APBB2: variants seen among roughly 807,000 people sequenced by gnomAD.
APBB2 encodes the protein Fe65-like 1.
APBB2 carries 38 observed loss-of-function variants against 82.5 expected under a neutral mutation model. That is an observed-to-expected ratio of 0.46 (90% CI 0.36 to 0.60). The LOEUF is 0.60. APBB2 is among the 20% of genes least tolerant of loss of function. The probability of loss-of-function intolerance (pLI) is 0.00; values close to 1 mark genes in which losing one functional copy is unlikely to be tolerated. For synonymous variants in APBB2, 341 were observed against 368.2 expected, an observed-to-expected ratio of 0.93 and a Z score of 0.85; for missense variants, 772 against 972.3, an observed-to-expected ratio of 0.79 and a Z score of 2.74.
intron 6 of APBB2, among the ~76,000 whole-genome samples, chr4:40,991,707 C>A (rs1243753040): frequency 6.6e-6 from 1 of 152,120 alleles, no homozygotes; most frequent in Admixed American, 6.5e-5. Flanking sequence ...AAAACAGACA[C>A]ACTTGTTAAT....
At chr4:41,081,890 G>A (rs754118039) in intron 3 of APBB2, among the ~76,000 whole-genome samples, 20 of 152,108 alleles carry the variant, frequency 1.3e-4, no homozygotes, top group African/African-American at 4.6e-4. Context: ...ATTGTCATTC[G>A]TTTAAAAAAC....
intron 10 of APBB2, among the ~76,000 whole-genome samples, chr4:40,919,988 CAA>C (rs1355679418): frequency 6.6e-6 from 1 of 152,146 alleles, no homozygotes. Context: ...GCACTGGGGA[CAA>C]AGATTCTCTG....
At chr4:41,195,692 T>C in intron 1 of APBB2, among the ~76,000 whole-genome samples, 2 of 152,144 alleles carry the variant, frequency 1.3e-5, no homozygotes, top group African/African-American at 2.4e-5. Flanking sequence ...CCCTACAGGT[T>C]GTTTTCCCAC....
intron 1 of APBB2, among the ~76,000 whole-genome samples, chr4:41,185,806 G>A (rs1291864240): frequency 1.3e-5 from 2 of 152,182 alleles, no homozygotes; most frequent in African/African-American, 2.4e-5. Flanking sequence ...AATGTGTTAA[G>A]CCTGACTATA....
intron 4 of APBB2, among the ~76,000 whole-genome samples, chr4:41,046,804 C>A (rs889897497): frequency 6.6e-6 from 1 of 152,184 alleles, no homozygotes; most frequent in African/African-American, 2.4e-5. Context: ...CAGCATGCAA[C>A]ACCCTGGCAG....
Position 40,870,734 on chromosome 4 carries a change from CTTTT to C in APBB2, c.1529+19626_1529+19629del, listed in dbSNP as rs34591003. Among the ~76,000 whole-genome samples the C allele has an allele frequency of 5.4e-5, 7 of 130,614 alleles. 1 individual carries two copies. Among genetic ancestry groups the C allele is most frequent in the Non-Finnish European group, 8.2e-5 (5 of 61,044 alleles). The allele number at this position is 130,614 out of a possible 152,430, so 85.7% of individuals were successfully genotyped here. A position where few individuals can be genotyped will look rare whatever the true frequency, so the allele number is the denominator to read the frequency against. ...ATGTGTGTGTGTGTGTATACACACTCTTTTTTTTTTTTTTTTTGGAGACCAAGTC... is the reference window on the plus strand; with the variant it reads ...ATGTGTGTGTGTGTGTATACACACTCTTTTTTTTTTTTTGGAGACCAAGTC... On this transcript the variant is annotated intron_variant, in intron 12 of 17. Coordinates refer to ENST00000508593, the MANE Select transcript of APBB2 (RefSeq NM_004307.2).
At chr4:41,195,957 G>A in intron 1 of APBB2, among the ~76,000 whole-genome samples, 1 of 152,284 alleles carries the variant, frequency 6.6e-6, no homozygotes, top group Non-Finnish European at 1.5e-5. Flanking sequence ...TCAGGAGATC[G>A]AGACCATCCT....
rs185323328 is a variant in APBB2 at position 41,171,373 on chromosome 4, G to C, written c.-416-28231C>G. The stretch of plus-strand genomic sequence containing the variant: ...CACCTGTAAATTGTTTTGTTCCATA[G>C]CTTCCTTGCAAAGGTAACAGGTGGC... On this transcript the variant is annotated intron_variant, in intron 1 of 17. Coordinates refer to ENST00000508593, the MANE Select transcript of APBB2 (RefSeq NM_004307.2). 1.6e-3 allele frequency among the ~76,000 whole-genome samples: 237 copies of C among 144,910 alleles called. 1 individual carries two copies. Among genetic ancestry groups the C allele is most frequent in the Middle Eastern group, 6.9e-3 (2 of 288 alleles).
intron 1 of APBB2, among the ~76,000 whole-genome samples, chr4:41,206,977 C>A (rs574623661): frequency 6.6e-6 from 1 of 151,960 alleles, no homozygotes; most frequent in African/African-American, 2.4e-5. Flanking sequence ...GCGGGCAGAT[C>A]ACTTGAGGTC....
At chr4:41,033,897 G>T (rs1718090271) in intron 4 of APBB2, among the ~76,000 whole-genome samples, 1 of 152,152 alleles carries the variant, frequency 6.6e-6, no homozygotes, top group African/African-American at 2.4e-5. Flanking sequence ...TAAATCACTA[G>T]CTTCACTCAA....
chr4:40,892,066 T>G (rs969267164), intron 11 of APBB2, among the ~76,000 whole-genome samples: 9 of 150,924 alleles, frequency 6.0e-5, no homozygotes, highest in African/African-American at 1.9e-4. Context: ...TTCTCCTACC[T>G]CAGCCTCTCG....
At chr4:41,025,087 G>A (rs73809444) in intron 5 of APBB2, among the ~76,000 whole-genome samples, 1,671 of 152,198 alleles carry the variant, frequency 0.011, 24 homozygotes, top group African/African-American at 0.038. Flanking sequence ...TAATCCGCTG[G>A]GTCTGAGTGC....
chr4:40,975,424 T>C (rs1468284526), intron 6 of APBB2, among the ~76,000 whole-genome samples: 1 of 152,188 alleles, frequency 6.6e-6, no homozygotes, highest in Non-Finnish European at 1.5e-5. Flanking sequence ...CTTTTCTATG[T>C]TGAGTACTAA....
At chr4:41,124,894 C>T (rs546543695) in intron 2 of APBB2, among the ~76,000 whole-genome samples, 270 of 152,156 alleles carry the variant, frequency 1.8e-3, no homozygotes, top group Non-Finnish European at 3.2e-3. Flanking sequence ...GAAATTCCAT[C>T]GTACTCTTTC....
At chr4:40,823,516 T>A (rs1748720342) in intron 16 of APBB2, 128 bp downstream of exon 16, 1 of 663,286 alleles carries the variant, frequency 1.5e-6, no homozygotes, top group Non-Finnish European at 2.7e-6. Context: ...ATCTTTCAAA[T>A]GTAGGCCATC....
chr4:40,812,060 C>T lies in APBB2; in HGVS notation c.*4032G>A, dbSNP rs1385699249. The T allele has an allele frequency of 6.6e-6, 1 of 152,126 alleles. No homozygotes were observed. Among genetic ancestry groups the T allele is most frequent in the African/African-American group, 2.4e-5 (1 of 41,436 alleles). 9.4% of individuals were successfully genotyped at this position (152,126 alleles called of 1,614,324 possible). A position where few individuals can be genotyped will look rare whatever the true frequency, so the allele number is the denominator to read the frequency against. On this transcript the variant is annotated 3_prime_UTR_variant, in exon 18 of 18. Coordinates refer to ENST00000508593, the MANE Select transcript of APBB2 (RefSeq NM_004307.2). The stretch of plus-strand genomic sequence containing the variant: ...TGGTGACTAAATAGGCTTCTATGTC[C>T]GGAAGGCCAGCTGGCCTTCCTGATC...
intron 10 of APBB2, among the ~76,000 whole-genome samples, chr4:40,933,818 A>G (rs1299487919): frequency 6.6e-6 from 1 of 152,150 alleles, no homozygotes; most frequent in Non-Finnish European, 1.5e-5. Context: ...AAATTCAAAG[A>G]TTAAGAATTT....
chr4:40,945,101 G>GT, intron 6 of APBB2, 28 bp from the exon 7 acceptor site: 1 of 738,546 alleles, frequency 1.4e-6, no homozygotes, highest in Non-Finnish European at 2.3e-6. Context: ...GGGGCGGGGG[G>GT]AGAAAGAGAG....
At chr4:41,059,452 A>G (rs1045843822) in intron 4 of APBB2, among the ~76,000 whole-genome samples, 5 of 152,240 alleles carry the variant, frequency 3.3e-5, no homozygotes, top group Admixed American at 1.3e-4. Context: ...CATAAACAAA[A>G]TATCGGCAGC....
Sources: gnomAD v4.1 joint callset for allele counts (sites outside exome capture counted in the v4.1 genomes callset) on GRCh38, gnomAD v4.1.1 for gene constraint, MANE v1.5 for transcripts, NCBI Gene and HGNC (gene_info 2026-07-23, HGNC 2026-07-21) for gene names.